PRKN: variants seen among roughly 807,000 people sequenced by gnomAD.
PRKN encodes the protein E3 ubiquitin-protein ligase parkin.
A neutral mutation model predicts 59.5 loss-of-function variants in PRKN; 56 were observed. The observed-to-expected ratio is 0.94, with a 90% CI of 0.76 to 1.18. The LOEUF (loss-of-function observed/expected upper bound fraction) is 1.18, where lower values mean the gene tolerates loss of function less well. Among genes scored for constraint, PRKN ranks in the 50% most tolerant of loss-of-function variants. The probability of loss-of-function intolerance (pLI) is 0.00; values close to 1 mark genes in which losing one functional copy is unlikely to be tolerated. For missense variants in PRKN, 657 were observed against 596.4 expected (o/e 1.10, Z -1.06); for synonymous variants, 250 against 222.1 (o/e 1.13, Z -1.12).
chr6:162,626,468 T>C (rs1291653810), intron 1 of PRKN, among the ~76,000 whole-genome samples: 2 of 152,172 alleles, frequency 1.3e-5, no homozygotes, highest in African/African-American at 4.8e-5. Context: ...TACTCTTACA[T>C]TTCACAGATG....
At chr6:161,465,677 A>G (rs1790430780) in intron 9 of PRKN, among the ~76,000 whole-genome samples, 2 of 152,180 alleles carry the variant, frequency 1.3e-5, no homozygotes, top group Admixed American at 6.5e-5. Flanking sequence ...TTTGACTGCA[A>G]TTTGTTTTAA....
chr6:161,500,249 A>T (rs1777909284), intron 9 of PRKN, among the ~76,000 whole-genome samples: 1 of 151,450 alleles, frequency 6.6e-6, no homozygotes, highest in African/African-American at 2.4e-5. Flanking sequence ...AGCCTCCCCC[A>T]CTATCAGTGT....
At chr6:162,434,019 C>G (rs990150506) in intron 2 of PRKN, among the ~76,000 whole-genome samples, 4 of 152,090 alleles carry the variant, frequency 2.6e-5, no homozygotes, top group Non-Finnish European at 4.4e-5. Flanking sequence ...CCTCTGAATG[C>G]AAAGTATCCA....
intron 6 of PRKN, among the ~76,000 whole-genome samples, chr6:161,951,134 ATTAC>A (rs1411421692): frequency 2.0e-5 from 3 of 151,914 alleles, no homozygotes; most frequent in Admixed American, 2.0e-4. Context: ...TTACGTTACT[ATTAC>A]TTTAAGTTGC....
chr6:161,613,327 C>G (rs1448358457), intron 7 of PRKN, among the ~76,000 whole-genome samples: 1 of 151,854 alleles, frequency 6.6e-6, no homozygotes, highest in Non-Finnish European at 1.5e-5. Flanking sequence ...CATGATAAAA[C>G]ATGAACTGAT....
At chr6:162,122,716 T>TTCTTTCTA (rs1554274005) in intron 4 of PRKN, among the ~76,000 whole-genome samples, 240 of 147,920 alleles carry the variant, frequency 1.6e-3, no homozygotes, top group African/African-American at 5.7e-3. Flanking sequence ...GCTCAATCTG[T>TTCTTTCTA]TCTATCTATC....
chr6:161,713,369 G>T (rs1786834277), intron 7 of PRKN, among the ~76,000 whole-genome samples: 1 of 152,074 alleles, frequency 6.6e-6, no homozygotes, highest in Non-Finnish European at 1.5e-5. Flanking sequence ...GAGGTCAATG[G>T]GTGGGGCTGA....
intron 9 of PRKN, among the ~76,000 whole-genome samples, chr6:161,411,194 C>T (rs536004817): frequency 2.6e-5 from 4 of 152,134 alleles, no homozygotes; most frequent in Non-Finnish European, 4.4e-5. Flanking sequence ...CCACCCAAAT[C>T]TCACATTGAA....
Position 161,357,695 on chromosome 6 carries a change from A to AT in PRKN, c.1285+2392dup, listed in dbSNP as rs1490229679. The stretch of plus-strand genomic sequence containing the variant: ...TTTCCAGTCTTTTTCTTCTGATTCT[A>AT]TTTTTTCCCACACACACATTTGTTT... On this transcript the variant is annotated intron_variant, in intron 11 of 11. Coordinates refer to ENST00000366898, the MANE Select transcript of PRKN (RefSeq NM_004562.3). The surrounding 1 kb of genome is among the most constrained non-coding windows in gnomAD (Gnocchi z 5.5). 1.3e-5 allele frequency among the ~76,000 whole-genome samples: 2 copies of AT among 152,092 alleles called. No individual in the cohort carries two copies. Among genetic ancestry groups the AT allele is most frequent in the Non-Finnish European group, 2.9e-5 (2 of 68,020 alleles).
chr6:162,531,940 C>CAAAAA, intron 1 of PRKN, among the ~76,000 whole-genome samples: 1 of 106,482 alleles, frequency 9.4e-6, no homozygotes, highest in Non-Finnish European at 1.8e-5. Flanking sequence ...ACTCTGACTC[C>CAAAAA]AAAAAAAAAA....
chr6:162,078,005 A>C (rs1419843358), intron 4 of PRKN, among the ~76,000 whole-genome samples: 1 of 5,836 alleles, frequency 1.7e-4, no homozygotes, highest in Non-Finnish European at 3.2e-4. Context: ...TCTCTCTAAA[A>C]AAAAAAAAAA....
intron 3 of PRKN, among the ~76,000 whole-genome samples, chr6:162,201,814 T>TA (rs1784744426): frequency 6.6e-6 from 1 of 152,158 alleles, no homozygotes; most frequent in South Asian, 2.1e-4. Context: ...ACCAAGCAGC[T>TA]ATGTGCAGAA....
intron 4 of PRKN, among the ~76,000 whole-genome samples, chr6:162,138,069 G>A (rs559206186): frequency 4.1e-4 from 62 of 152,082 alleles, no homozygotes; most frequent in Admixed American, 4.1e-3. Flanking sequence ...CGAAGTTTAG[G>A]GAGGTTAAGG....
intron 7 of PRKN, among the ~76,000 whole-genome samples, chr6:161,623,367 T>C (rs1463527906): frequency 6.6e-6 from 1 of 152,150 alleles, no homozygotes; most frequent in East Asian, 1.9e-4. Context: ...GCATAAATAA[T>C]AGATACAAAA....
At chr6:161,813,781 C>T (rs910744030) in intron 6 of PRKN, among the ~76,000 whole-genome samples, 1 of 152,198 alleles carries the variant, frequency 6.6e-6, no homozygotes, top group African/African-American at 2.4e-5. Context: ...CTCTTCCTCT[C>T]CTCCATGCCT....
chr6:162,515,682 T>A (rs1053206234), intron 1 of PRKN, among the ~76,000 whole-genome samples: 5 of 148,298 alleles, frequency 3.4e-5, no homozygotes, highest in African/African-American at 4.9e-5. Flanking sequence ...CTTATTCAAA[T>A]TTTTTTTTTT....
intron 2 of PRKN, among the ~76,000 whole-genome samples, chr6:162,440,210 C>T (rs1365919530): frequency 6.6e-6 from 1 of 152,156 alleles, no homozygotes; most frequent in South Asian, 2.1e-4. Flanking sequence ...TAACTATACT[C>T]TAACAGTGCT....
chr6:161,991,261 G>GGAAAAGGACAATATGTACCATCAC (rs1403709188), intron 5 of PRKN, among the ~76,000 whole-genome samples: 2 of 152,096 alleles, frequency 1.3e-5, no homozygotes, highest in African/African-American at 4.8e-5. Flanking sequence ...ACATCTGGAA[G>GGAAAAGGACAATATGTACCATCAC]GAAAAGGACA....
At chr6:161,952,204 T>A (rs141091980) in intron 6 of PRKN, among the ~76,000 whole-genome samples, 1 of 152,268 alleles carries the variant, frequency 6.6e-6, no homozygotes, top group East Asian at 1.9e-4. Flanking sequence ...TTTCAGAACA[T>A]GACAAAATTA....
Sources: allele counts gnomAD v4.1 joint callset (sites outside exome capture counted in the v4.1 genomes callset), GRCh38; gene constraint gnomAD v4.1.1; non-coding constraint Gnocchi (gnomAD v3.1); transcripts MANE v1.5; gene names NCBI Gene and HGNC (gene_info 2026-07-23, HGNC 2026-07-21).